Variants in ITGA5 observed in about 807,000 individuals in gnomAD.
ITGA5 encodes integrin alpha-5.
In ITGA5, 55 loss-of-function variants were observed where a neutral mutation model predicts 146.3. The ratio of observed to expected loss-of-function variants is 0.38; its 90% CI spans 0.30 to 0.47. The LOEUF (loss-of-function observed/expected upper bound fraction) is 0.47. Among genes scored for constraint, ITGA5 ranks in the 20% least tolerant of loss-of-function variants. The pLI is 0.99. For missense variants in ITGA5, 1,131 were observed against 1,329.0 expected, an observed-to-expected ratio of 0.85 and a Z score of 2.32; for synonymous variants, 500 against 531.8, an observed-to-expected ratio of 0.94 and a Z score of 0.82.
Position 54,406,009 on chromosome 12 carries a change from A to C in ITGA5, c.907-83T>G, listed in dbSNP as rs949016586. 80 of 1,237,964 alleles carry C rather than the reference A, an allele frequency of 6.5e-5. No homozygotes were observed. In the African/African-American group the frequency reaches 1.1e-3, roughly 17 times the overall value. 76.7% of individuals were successfully genotyped at this position (1,237,964 alleles called of 1,614,324 possible). On this transcript the variant is annotated intron_variant, in intron 9 of 29. Coordinates refer to ENST00000293379, the MANE Select transcript of ITGA5 (RefSeq NM_002205.5). ...AAGAACAGATGTGTACAGGACACCCAGGGGCAGGCATTCCTTAGAGACGCA... is the reference window on the plus strand; with the variant it reads ...AAGAACAGATGTGTACAGGACACCCCGGGGCAGGCATTCCTTAGAGACGCA...
At position 54,405,172 on chromosome 12, in the gene ITGA5, A is replaced by T; in HGVS notation, c.1219T>A (p.Tyr407Asn). The change falls in exon 12 of 30, where the codon TAC (tyrosine) becomes AAC (asparagine). Residue 407 changes from tyrosine to asparagine, a missense_variant. Physicochemically the swap from Tyr to Asn is moderately radical, Grantham distance 143 (BLOSUM62 -2). Transcript: ENST00000293379. ...TPLGDLDQDGYNDVAIGAPFG... is the reference protein window; with the variant it reads ...TPLGDLDQDGNNDVAIGAPFG... ...CTGAGCCCATGGTACTCACCATTGT[A>T]GCCATCCTGGTCCAGGTCCCCCAGG... 6.3e-7 allele frequency: 1 copy of T among 1,598,378 alleles called. No individual in the cohort carries two copies. Among genetic ancestry groups the T allele is most frequent in the Non-Finnish European group, 8.5e-7 (1 of 1,170,116 alleles).
intron 28 of ITGA5, among the ~76,000 whole-genome samples, chr12:54,398,046 C>A (rs191926059): frequency 1.3e-5 from 2 of 152,058 alleles, no homozygotes; most frequent in African/African-American, 4.8e-5. Context: ...CACAGATATG[C>A]GCCACCACAT....
rs1468565283 is a variant in ITGA5, at chr12:54,401,025, G to T, written c.2494-30C>A. ...GGAGGGAAGAGCACAATCATCATGA[G>T]AAGGAAGGGAATGCTTCTGCCCCAT... On this transcript the variant is annotated intron_variant, in intron 24 of 29. Transcript: ENST00000293379. The surrounding 1 kb of genome is among the most constrained non-coding windows in gnomAD (Gnocchi z 5.0). The T allele has an allele frequency of 1.2e-6, 2 of 1,607,450 alleles. No individual in the cohort carries two copies. The highest frequency in any genetic ancestry group is 1.3e-5 in the African/African-American group (1 of 74,920).
chr12:54,402,418 C>T (rs568182583), intron 19 of ITGA5, 88 bp from the exon 20 acceptor site: 7 of 1,293,242 alleles, frequency 5.4e-6, no homozygotes, highest in African/African-American at 1.5e-5. Context: ...AATACGAGGC[C>T]GGGTGTGGTG....
chr12:54,412,071 G>T, intron 1 of ITGA5, 107 bp from the exon 2 acceptor site: 1 of 833,558 alleles, frequency 1.2e-6, no homozygotes, highest in Non-Finnish European at 1.8e-6. Context: ...TGGGGGTGGA[G>T]TAGATGCCCC....
At chr12:54,408,732 A>T (rs1592290371) in intron 6 of ITGA5, 24 bp downstream of exon 6, 11 of 1,573,860 alleles carry the variant, frequency 7.0e-6, no homozygotes, top group Non-Finnish European at 8.6e-6. Context: ...AAAAAAAAAA[A>T]AGAATGGCAG....
chr12:54,406,493 C>T (rs2120521746), intron 9 of ITGA5, among the ~76,000 whole-genome samples: 1 of 152,344 alleles, frequency 6.6e-6, no homozygotes. Context: ...CTGCCTCCAG[C>T]TCTCCCAGCA....
At chr12:54,402,651 G>A (rs925623819) in intron 19 of ITGA5, among the ~76,000 whole-genome samples, 4 of 151,512 alleles carry the variant, frequency 2.6e-5, no homozygotes, top group Admixed American at 2.6e-4. Context: ...AGTGAGCCGA[G>A]ATTGCGCCAC....
Position 54,399,237 on chromosome 12 carries a change from T to A in ITGA5, c.2841+408A>T, listed in dbSNP as rs531588874. Among the ~76,000 whole-genome samples, 22 of 152,336 alleles carry A rather than the reference T, an allele frequency of 1.4e-4. No individual in the cohort carries two copies. In the South Asian group the frequency reaches 4.6e-3, roughly 32 times the overall value. On this transcript the variant is annotated intron_variant, in intron 27 of 29. Transcript: ENST00000293379. ...TAATATATAATTAGATGACTACGTG[T>A]TCAATAAAAATTTTTTTAAAATTAT...
chr12:54,407,770 C>T (rs1401789778), intron 8 of ITGA5, 62 bp downstream of exon 8: 30 of 1,604,016 alleles, frequency 1.9e-5, no homozygotes, highest in Non-Finnish European at 2.0e-5. Context: ...AGTTCATGGG[C>T]TCTCTGGCCC....
chr12:54,404,945 C>G lies in ITGA5; in HGVS notation c.1226-51G>C, dbSNP rs924527571. The G allele has an allele frequency of 2.8e-6, 4 of 1,410,456 alleles. No individual in the cohort carries two copies. The African/African-American group carries it at 5.8e-5, about 20-fold the overall frequency. The allele number at this position is 1,410,456 out of a possible 1,614,324, so 87.4% of individuals were successfully genotyped here. A position where few individuals can be genotyped will look rare whatever the true frequency, so the allele number is the denominator to read the frequency against. On this transcript the variant is annotated intron_variant, in intron 12 of 29. Transcript: ENST00000293379. Reference sequence around the variant, plus strand: ...TCAGCAGGCCAGGAATCCATGGGCTCTAATCTCTACTACCAGACCCCAGGA... The same window carrying G: ...TCAGCAGGCCAGGAATCCATGGGCTGTAATCTCTACTACCAGACCCCAGGA...
rs746939357 is a variant in ITGA5, at chr12:54,409,489, A to C, written c.458T>G (p.Ile153Ser). The C allele has an allele frequency of 5.6e-6, 9 of 1,612,024 alleles. No individual in the cohort carries two copies. Among genetic ancestry groups the C allele is most frequent in the Non-Finnish European group, 7.6e-6 (9 of 1,178,156 alleles). ...GATVRAHGSS[I>S]LACAPLYSWR... ...CTGAGCTTGCTGGCCCCTCACCAAG[A>C]TGGAGGAGCCATGGGCTCGAACTGT... is the stretch of plus-strand genomic sequence containing the variant. The change falls in exon 3 of 30, where the codon ATC becomes AGC. Residue 153 changes from isoleucine to serine, a missense_variant. Transcript: ENST00000293379. The surrounding 1 kb of genome is among the most constrained non-coding windows in gnomAD (Gnocchi z 4.7).
intron 1 of ITGA5, among the ~76,000 whole-genome samples, chr12:54,415,048 T>C (rs1450350391): frequency 6.6e-6 from 1 of 152,108 alleles, no homozygotes; most frequent in East Asian, 1.9e-4. Context: ...CTCAGGAGGC[T>C]GAGGCAGGAG....
rs117897179 is a variant in ITGA5 at position 54,398,603 on chromosome 12, C to T, written c.2937G>A (p.Glu979=). ...RILPRQLPQK[E]RQVATAVQWT... is the part of the protein sequence containing the mutation. Reference sequence around the variant, plus strand: ...CCTCTGGCCCTAGACTCACCTGACGCTCTTTTTGGGGCAGCTGCCGAGGCA... The same window carrying T: ...CCTCTGGCCCTAGACTCACCTGACGTTCTTTTTGGGGCAGCTGCCGAGGCA... The change falls in exon 28 of 30, where the codon GAG becomes GAA. Residue 979 remains glutamate, a synonymous_variant. Transcript: ENST00000293379. 1.9e-6 allele frequency: 3 copies of T among 1,611,090 alleles called. No homozygotes were observed. The highest frequency in any genetic ancestry group is 2.2e-5 in the East Asian group (1 of 44,680).
Position 54,396,294 on chromosome 12 carries a change from C to G in ITGA5, c.3149G>C (p.Ter1050SerextTer10), listed in dbSNP as rs953624491. ...QLKPPATSDA[*>S] ...ATGGGAGTCTGAAATTGGGAGGACT[C>G]AGGCATCAGAGGTGGCTGGAGGCTT... is the stretch of plus-strand genomic sequence containing the variant. Residue 1050 changes from the stop codon to serine, a stop_lost, in exon 30 of 30, where the codon TGA becomes TCA. Transcript: ENST00000293379. 1.2e-6 allele frequency: 2 copies of G among 1,612,116 alleles called. No homozygotes were observed. Among genetic ancestry groups the G allele is most frequent in the African/African-American group, 2.7e-5 (2 of 74,878 alleles).
intron 8 of ITGA5, 47 bp from the exon 9 acceptor site, chr12:54,407,739 G>C (rs1249273200): frequency 6.2e-7 from 1 of 1,604,972 alleles, no homozygotes; most frequent in Non-Finnish European, 8.5e-7. Flanking sequence ...GGAAAGGGAA[G>C]CAGATAATGG....
rs1955782513 is a variant in ITGA5, at chr12:54,401,434, T to C, written c.2432A>G (p.His811Arg). ...CTCCTTCTGAGGCTGGTCTCGGGGA[T>C]GCCAGTCGCTTACTGGGAATAGCAC... ...EAVLFPVSDWHPRDQPQKEED... is the reference protein window; with the variant it reads ...EAVLFPVSDWRPRDQPQKEED... The change falls in exon 24 of 30, where the codon CAT (histidine) becomes CGT (arginine). Residue 811 changes from histidine (H) to arginine (R), a missense_variant. Coordinates refer to ENST00000293379, the MANE Select transcript of ITGA5 (RefSeq NM_002205.5). This position sits in a 1 kb window ranked among gnomAD's most constrained non-coding sequence, Gnocchi z 5.0. The C allele has an allele frequency of 1.2e-6, 2 of 1,614,052 alleles. No individual in the cohort carries two copies. The highest frequency in any genetic ancestry group is 1.7e-5 in the Admixed American group (1 of 60,008).
chr12:54,396,523 C>T (rs1350303782), intron 29 of ITGA5, 147 bp from the exon 30 acceptor site: 1 of 651,448 alleles, frequency 1.5e-6, no homozygotes, highest in Non-Finnish European at 2.7e-6. Flanking sequence ...TAGGACTACC[C>T]CTCTAAGTTG....
In ITGA5 at chr12:54,401,577, G is replaced by T; in HGVS notation, c.2387+8C>A. The T allele has an allele frequency of 6.2e-7, 1 of 1,613,664 alleles. No homozygotes were observed. The highest frequency in any genetic ancestry group is 1.1e-5 in the South Asian group (1 of 91,066). On this transcript the variant is annotated splice_region_variant and intron_variant, in intron 23 of 29. Transcript: ENST00000293379. This position sits in a 1 kb window ranked among gnomAD's most constrained non-coding sequence, Gnocchi z 5.0. ...TCTCAGAAAGACCCCATTTTGCCTG[G>T]CACTGACCCGTTCAGGGTGACCTGG...
Sources: gnomAD v4.1 joint callset for allele counts (sites outside exome capture counted in the v4.1 genomes callset) on GRCh38, gnomAD v4.1.1 for gene constraint, Gnocchi (gnomAD v3.1) non-coding constraint, MANE v1.5 for transcripts, NCBI Gene and HGNC (gene_info 2026-07-23, HGNC 2026-07-21) for gene names.